FAM120A: variants seen among roughly 807,000 people sequenced by gnomAD.
FAM120A encodes the protein family with sequence similarity 120 member A.
Under a neutral mutation model 109.7 loss-of-function variants are expected in FAM120A, and 15 were observed. The observed-to-expected ratio is 0.14, with a 90% confidence interval of 0.09 to 0.21. FAM120A has a LOEUF of 0.21. Among genes scored for constraint, FAM120A ranks in the 10% least tolerant of loss-of-function variants. The pLI is 1.00. For synonymous variants in FAM120A, 493 were observed against 572.8 expected (o/e 0.86, Z 1.99); for missense variants, 899 against 1,439.3 (o/e 0.62, Z 6.07).
intron 3 of FAM120A, among the ~76,000 whole-genome samples, chr9:93,486,279 AT>A (rs796158744): frequency 3.2e-4 from 46 of 143,602 alleles, no homozygotes; most frequent in Non-Finnish European, 3.2e-4. Flanking sequence ...AGCCTACTGC[AT>A]TTTTTTTTTT....
At chr9:93,487,443 T>C (rs1859112683) in intron 3 of FAM120A, among the ~76,000 whole-genome samples, 1 of 152,234 alleles carries the variant, frequency 6.6e-6, no homozygotes, top group South Asian at 2.1e-4. Flanking sequence ...ATTATGGGCA[T>C]GAGCCACCGC....
intron 13 of FAM120A, among the ~76,000 whole-genome samples, chr9:93,557,375 C>A (rs1014512443): frequency 6.6e-6 from 1 of 152,090 alleles, no homozygotes; most frequent in Non-Finnish European, 1.5e-5. Flanking sequence ...AGCAATCCAC[C>A]CACCTTGGCC....
chr9:93,527,512 G>C (rs1861136192), intron 8 of FAM120A, among the ~76,000 whole-genome samples: 1 of 150,048 alleles, frequency 6.7e-6, no homozygotes, highest in African/African-American at 2.5e-5. Flanking sequence ...CACATTTGTT[G>C]TAGGTTTTTG....
At position 93,561,264 on chromosome 9, in the gene FAM120A, C is replaced by T. The variant is rs150894904; in HGVS notation, c.2948+14C>T. 717 of 1,595,434 alleles carry T rather than the reference C, an allele frequency of 4.5e-4. 4 individuals carry two copies. In the African/African-American group the frequency reaches 8.4e-3, roughly 19 times the overall value. On this transcript the variant is annotated intron_variant, in intron 16 of 17. Transcript: ENST00000277165. The stretch of plus-strand genomic sequence containing the variant: ...ACCAGCTAGAGGGTAAGTTCTGAGC[C>T]ACGAAAATGTCTTTTGTATAAGTAA...
chr9:93,527,945 A>G (rs372448340), intron 8 of FAM120A, among the ~76,000 whole-genome samples: 2 of 151,904 alleles, frequency 1.3e-5, no homozygotes, highest in Non-Finnish European at 2.9e-5. Context: ...TTCTACTTCT[A>G]CCTGTTAATA....
intron 5 of FAM120A, among the ~76,000 whole-genome samples, chr9:93,502,329 G>A (rs1859837575): frequency 6.6e-6 from 1 of 152,068 alleles, no homozygotes; most frequent in Non-Finnish European, 1.5e-5. Context: ...AAACTTGGCT[G>A]GAATTTTAGA....
chr9:93,556,337 C>T (rs1338642359), intron 12 of FAM120A, 45 bp from the exon 13 acceptor site: 3 of 1,480,750 alleles, frequency 2.0e-6, no homozygotes, highest in African/African-American at 1.4e-5. Flanking sequence ...GAATTTAATA[C>T]TGTAGTACTC....
chr9:93,452,449 T>G lies in FAM120A; in HGVS notation c.474+60T>G. 1 of 1,555,286 alleles carries G rather than the reference T, an allele frequency of 6.4e-7. No homozygotes were observed. The highest frequency in any genetic ancestry group is 8.7e-7 in the Non-Finnish European group (1 of 1,153,120). ...GGCCGCGCCGCACCCCTATCCCCCTTCCCAGGGCGCAGAATGTCGCCCGGC... is the reference window on the plus strand; with the variant it reads ...GGCCGCGCCGCACCCCTATCCCCCTGCCCAGGGCGCAGAATGTCGCCCGGC... On this transcript the variant is annotated intron_variant, in intron 1 of 17. Coordinates refer to ENST00000277165, the MANE Select transcript of FAM120A (RefSeq NM_014612.5). This position sits in a 1 kb window ranked among gnomAD's most constrained non-coding sequence, Gnocchi z 7.0.
At chr9:93,491,115 G>T (rs1859292749) in intron 3 of FAM120A, among the ~76,000 whole-genome samples, 1 of 152,178 alleles carries the variant, frequency 6.6e-6, no homozygotes. Flanking sequence ...ACCCTGCGTG[G>T]CCACAGCAGA....
intron 7 of FAM120A, among the ~76,000 whole-genome samples, chr9:93,521,033 A>G (rs561399818): frequency 1.3e-5 from 2 of 152,308 alleles, no homozygotes; most frequent in East Asian, 3.9e-4. Context: ...GTCATGGGCT[A>G]TGTTACTCTT....
At position 93,557,866 on chromosome 9, in the gene FAM120A, G is replaced by A. The variant is rs930446683; in HGVS notation, c.2524G>A (p.Val842Ile). The A allele has an allele frequency of 4.5e-5, 72 of 1,613,720 alleles. No homozygotes were observed. In the Middle Eastern group the frequency reaches 4.9e-4, roughly 11 times the overall value. ...AAKVEKMRQS[V>I]LEGLSFSRQS... is the part of the protein sequence containing the mutation. Reference sequence around the variant, plus strand: ...CAAGGTAGAGAAGATGCGCCAGAGCGTCCTCGAGGGGCTCAGCTTCTCCAG... The same window carrying A: ...CAAGGTAGAGAAGATGCGCCAGAGCATCCTCGAGGGGCTCAGCTTCTCCAG... Residue 842 changes from valine (V) to isoleucine (I), a missense_variant, in exon 14 of 18, where the codon GTC (valine) becomes ATC (isoleucine). Val to Ile is a conservative substitution (Grantham distance 29). Around this residue, in one of 11 missense-constraint regions of FAM120A, gnomAD observed 129 missense variants for 153.4 expected, o/e 0.84. Coordinates refer to ENST00000277165, the MANE Select transcript of FAM120A (RefSeq NM_014612.5).
At chr9:93,494,198 C>T (rs774782855) in intron 3 of FAM120A, among the ~76,000 whole-genome samples, 1 of 152,164 alleles carries the variant, frequency 6.6e-6, no homozygotes, top group East Asian at 1.9e-4. Context: ...AGAGGCCTCT[C>T]GCCAATCGGA....
At chr9:93,483,843 T>G (rs1018295798) in intron 3 of FAM120A, among the ~76,000 whole-genome samples, 1 of 152,244 alleles carries the variant, frequency 6.6e-6, no homozygotes, top group African/African-American at 2.4e-5. Context: ...TATTTGCTCC[T>G]TTTAATTTAT....
At chr9:93,548,853 GC>G (rs1564357296) in intron 11 of FAM120A, among the ~76,000 whole-genome samples, 1 of 152,044 alleles carries the variant, frequency 6.6e-6, no homozygotes, top group Non-Finnish European at 1.5e-5. Flanking sequence ...GACCAGCCTG[GC>G]CAACACAGTG....
Position 93,558,034 on chromosome 9 carries a change from T to C in FAM120A, c.2668+24T>C, listed in dbSNP as rs775138226. On this transcript the variant is annotated intron_variant, in intron 14 of 17. Transcript: ENST00000277165. Reference sequence around the variant, plus strand: ...AGGTGAGTTGATTGGGACGTATTCCTGTGGGTAACAGATGCCAGATTCCTG... The same window carrying C: ...AGGTGAGTTGATTGGGACGTATTCCCGTGGGTAACAGATGCCAGATTCCTG... 77 of 1,558,710 alleles carry C rather than the reference T, an allele frequency of 4.9e-5. 1 individual carries two copies. The highest frequency in any genetic ancestry group is 6.0e-6 in the Non-Finnish European group (7 of 1,158,380).
intron 1 of FAM120A, among the ~76,000 whole-genome samples, chr9:93,454,694 T>C (rs1215030961): frequency 6.6e-6 from 1 of 152,216 alleles, no homozygotes; most frequent in Non-Finnish European, 1.5e-5. Flanking sequence ...ACTTCCTTGG[T>C]CCCTGAGGGT....
Position 93,532,310 on chromosome 9 carries a change from G to A in FAM120A, c.1890G>A (p.Lys630=). 2 of 1,614,180 alleles carry A rather than the reference G, an allele frequency of 1.2e-6. No individual in the cohort carries two copies. Among genetic ancestry groups the A allele is most frequent in the East Asian group, 2.2e-5 (1 of 44,876 alleles). The change falls in exon 10 of 18, where the codon AAG becomes AAA. Residue 630 remains lysine, a synonymous_variant. Transcript: ENST00000277165. The surrounding 1 kb of genome is among the most constrained non-coding windows in gnomAD (Gnocchi z 4.3). ...AAACTGAGAGACTTGCTTTTAGAAA[G>A]AACAGACTTCCACCAGAATGTATGT... ...RKKTERLAFR[K]NRLPPEFSPV... is the part of the protein sequence containing the mutation.
chr9:93,465,033 G>A (rs1221677840), intron 1 of FAM120A, among the ~76,000 whole-genome samples: 2 of 152,196 alleles, frequency 1.3e-5, no homozygotes, highest in Non-Finnish European at 2.9e-5. Flanking sequence ...GAGTGAGAGA[G>A]TAGCTTAGTA....
chr9:93,462,044 C>T (rs547251301), intron 1 of FAM120A, among the ~76,000 whole-genome samples: 72 of 152,312 alleles, frequency 4.7e-4, no homozygotes, highest in Non-Finnish European at 7.5e-4. Flanking sequence ...CCCTTTGATA[C>T]AGCCTGGCAG....
Sources: allele counts gnomAD v4.1 joint callset (sites outside exome capture counted in the v4.1 genomes callset), GRCh38; gene constraint gnomAD v4.1.1; regional missense constraint gnomAD v4.1.1; non-coding constraint Gnocchi (gnomAD v3.1); transcripts MANE v1.5; gene names NCBI Gene and HGNC (gene_info 2026-07-23, HGNC 2026-07-21).